COPE: variants seen among roughly 807,000 people sequenced by gnomAD.
COPE encodes the protein coatomer subunit epsilon.
A neutral mutation model predicts 42.1 loss-of-function variants in COPE; 19 were observed. The observed-to-expected ratio is 0.45, with a 90% confidence interval of 0.31 to 0.66. The LOEUF (loss-of-function observed/expected upper bound fraction) is 0.66, where lower values mean the gene tolerates loss of function less well. Ranked by LOEUF, COPE falls within the 30% of genes least tolerant of loss-of-function variation. The pLI is 0.05. For missense variants in COPE, 402 were observed against 416.1 expected (o/e 0.97, Z 0.30); for synonymous variants, 195 against 181.3 (o/e 1.08, Z -0.60).
intron 7 of COPE, among the ~76,000 whole-genome samples, chr19:18,902,596 C>T (rs771012723): frequency 8.0e-5 from 11 of 138,080 alleles, no homozygotes; most frequent in Admixed American, 6.4e-4. Flanking sequence ...ACCCAGGAGG[C>T]GGAGGTTGCA....
In COPE at chr19:18,919,342, G is replaced by A. The variant is rs745416734; in HGVS notation, c.7C>T (p.Pro3Ser). The change falls in exon 1 of 10, where the codon CCT becomes TCT. Residue 3 changes from proline to serine, a missense_variant. Pro to Ser is a moderately conservative substitution (Grantham distance 74, BLOSUM62 -1). Coordinates refer to ENST00000262812, the MANE Select transcript of COPE (RefSeq NM_007263.4). MA[P>S]PAPGPASGGS... Reference sequence around the variant, plus strand: ...CCGGAGGCCGGGCCGGGGGCCGGAGGCGCCATTTCGCTGTCTTCTCACCAG... The same window carrying A: ...CCGGAGGCCGGGCCGGGGGCCGGAGACGCCATTTCGCTGTCTTCTCACCAG... 9.3e-6 allele frequency: 15 copies of A among 1,613,504 alleles called. No individual in the cohort carries two copies. In the South Asian group the frequency reaches 9.9e-5, roughly 11 times the overall value.
intron 1 of COPE, among the ~76,000 whole-genome samples, chr19:18,913,887 C>A (rs2056832337): frequency 6.6e-6 from 1 of 152,220 alleles, no homozygotes; most frequent in Non-Finnish European, 1.5e-5. Context: ...GTGCCCAAAC[C>A]AGGGGGAGTC....
chr19:18,914,506 A>T (rs1465099041), intron 1 of COPE, among the ~76,000 whole-genome samples: 1 of 151,890 alleles, frequency 6.6e-6, no homozygotes, highest in African/African-American at 2.4e-5. Context: ...ACGCCATTGC[A>T]CTCCAGCCTA....
At chr19:18,905,755 C>A in intron 4 of COPE, 126 bp from the exon 5 acceptor site, 2 of 924,998 alleles carry the variant, frequency 2.2e-6, no homozygotes, top group Non-Finnish European at 3.2e-6. Context: ...CCACCAGCCC[C>A]GCCCAGCAGA....
At chr19:18,918,838 G>A (rs1163217011) in intron 1 of COPE, among the ~76,000 whole-genome samples, 1 of 152,190 alleles carries the variant, frequency 6.6e-6, no homozygotes, top group African/African-American at 2.4e-5. Flanking sequence ...TAACCAGGCT[G>A]GTTGGGCAGG....
At chr19:18,902,738 GA>G (rs781609372) in intron 7 of COPE, among the ~76,000 whole-genome samples, 11 of 57,500 alleles carry the variant, frequency 1.9e-4, no homozygotes, top group African/African-American at 1.2e-3. Flanking sequence ...GGAAAGGAAG[GA>G]AAGGAAGGAA....
intron 1 of COPE, among the ~76,000 whole-genome samples, chr19:18,917,239 T>C (rs1159204877): frequency 7.9e-6 from 1 of 126,872 alleles, no homozygotes; most frequent in African/African-American, 2.7e-5. Flanking sequence ...CATTCTTTTT[T>C]TCTTTTTTTT....
At chr19:18,911,590 C>T (rs576832300) in intron 2 of COPE, among the ~76,000 whole-genome samples, 17 of 151,516 alleles carry the variant, frequency 1.1e-4, no homozygotes, top group African/African-American at 4.1e-4. Flanking sequence ...CTCGCTCTGT[C>T]GCCCAGGCTG....
chr19:18,901,311 C>T (rs2056696393), intron 7 of COPE, among the ~76,000 whole-genome samples: 2 of 152,248 alleles, frequency 1.3e-5, no homozygotes, highest in East Asian at 1.9e-4. Flanking sequence ...CCAGAGGATG[C>T]GGCCATGAAC....
chr19:18,901,193 G>A (rs1281357377), intron 7 of COPE, among the ~76,000 whole-genome samples: 1 of 152,236 alleles, frequency 6.6e-6, no homozygotes, highest in Non-Finnish European at 1.5e-5. Context: ...CAGGGCCAAG[G>A]GGCACGGCCA....
At position 18,899,961 on chromosome 19, in the gene COPE, A is replaced by C. The variant is rs1368169960; in HGVS notation, c.805-14T>G. On this transcript the variant is annotated splice_polypyrimidine_tract_variant and intron_variant, in intron 8 of 9. Coordinates refer to ENST00000262812, the MANE Select transcript of COPE (RefSeq NM_007263.4). ...TCGGTTTGTCACCTGCAGGGGAGGC[A>C]GGGAGGCAGGTGAGCCGAACACGGG... is the stretch of plus-strand genomic sequence containing the variant. The C allele has an allele frequency of 6.2e-7, 1 of 1,609,852 alleles. No homozygotes were observed. Among genetic ancestry groups the C allele is most frequent in the South Asian group, 1.1e-5 (1 of 90,606 alleles).
chr19:18,901,197 A>G (rs2056695256), intron 7 of COPE, among the ~76,000 whole-genome samples: 1 of 152,266 alleles, frequency 6.6e-6, no homozygotes, highest in African/African-American at 2.4e-5. Flanking sequence ...GCCAAGGGGC[A>G]CGGCCAGCCA....
Position 18,903,395 on chromosome 19 carries a change from T to C in COPE, c.608A>G (p.Tyr203Cys). The C allele has an allele frequency of 6.2e-7, 1 of 1,612,594 alleles. No individual in the cohort carries two copies. Among genetic ancestry groups the C allele is most frequent in the Non-Finnish European group, 8.5e-7 (1 of 1,179,292 alleles). Residue 203 changes from tyrosine (Y) to cysteine (C), a missense_variant, in exon 7 of 10, where the codon TAC becomes TGC. Transcript: ENST00000262812. ...TGGEKLQDAY[Y>C]IFQEMADKCS... is the part of the protein sequence containing the mutation. ...CTTGTCAGCCATCTCCTGGAAGATG[T>C]AGTAGGCATCCTGCAGCTTCTCACC...
At chr19:18,907,298 A>G (rs1303784171) in intron 3 of COPE, among the ~76,000 whole-genome samples, 186 bp from the exon 4 acceptor site, 1 of 152,008 alleles carries the variant, frequency 6.6e-6, no homozygotes, top group Non-Finnish European at 1.5e-5. Flanking sequence ...AGCACCTCTC[A>G]TGCTGGGCCA....
intron 1 of COPE, among the ~76,000 whole-genome samples, chr19:18,918,771 G>C (rs765873221): frequency 8.5e-5 from 13 of 152,154 alleles, no homozygotes; most frequent in Non-Finnish European, 1.3e-4. Flanking sequence ...TACAGTGCCC[G>C]TCCAAAAAAG....
At position 18,919,356 on chromosome 19, in the gene COPE, T is replaced by C. The variant is rs2056892955; in HGVS notation, c.-8A>G. 1 of 1,612,838 alleles carries C rather than the reference T, an allele frequency of 6.2e-7. No homozygotes were observed. The highest frequency in any genetic ancestry group is 8.5e-7 in the Non-Finnish European group (1 of 1,179,698). Reference sequence around the variant, plus strand: ...GGGGGCCGGAGGCGCCATTTCGCTGTCTTCTCACCAGCTCCTCTTCCTGAA... The same window carrying C: ...GGGGGCCGGAGGCGCCATTTCGCTGCCTTCTCACCAGCTCCTCTTCCTGAA... On this transcript the variant is annotated 5_prime_UTR_variant, in exon 1 of 10. Transcript: ENST00000262812.
chr19:18,910,733 G>A (rs2056801717), intron 3 of COPE: 2 of 577,666 alleles, frequency 3.5e-6, no homozygotes, highest in African/African-American at 1.9e-5. Flanking sequence ...ATGAGGGCGT[G>A]TGCACACACA....
chr19:18,902,790 AAGGAAGGAAGGAAGG>A (rs2056719165), intron 7 of COPE, among the ~76,000 whole-genome samples: 2 of 70,560 alleles, frequency 2.8e-5, no homozygotes, highest in Non-Finnish European at 5.7e-5. Flanking sequence ...GGAAGGAAGG[AAGGAAGGAAGGAAGG>A]AAGGAAGGAA....
chr19:18,901,819 A>G (rs1048808202), intron 7 of COPE, among the ~76,000 whole-genome samples: 6 of 152,196 alleles, frequency 3.9e-5, no homozygotes, highest in Non-Finnish European at 8.8e-5. Context: ...TCAAAAAACA[A>G]ACAAAAAACC....
Sources: allele counts gnomAD v4.1 joint callset (sites outside exome capture counted in the v4.1 genomes callset), GRCh38; gene constraint gnomAD v4.1.1; transcripts MANE v1.5; gene names NCBI Gene and HGNC (gene_info 2026-07-23, HGNC 2026-07-21).